SRGAP2C: variants seen among roughly 807,000 people sequenced by gnomAD.
The protein encoded by SRGAP2C is SLIT-ROBO Rho GTPase-activating protein 2C.
Under a neutral mutation model 25.1 loss-of-function variants are expected in SRGAP2C, and 15 were observed. That is an observed-to-expected ratio of 0.60 (90% CI 0.40 to 0.92). SRGAP2C has a LOEUF of 0.92. Ranked by LOEUF, SRGAP2C falls within the 40% of genes least tolerant of loss-of-function variation. SRGAP2C has a pLI of 0.00. For synonymous variants in SRGAP2C, 44 were observed against 96.6 expected (o/e 0.46, Z 3.19); for missense variants, 144 against 264.4 (o/e 0.54, Z 3.16).
At chr1:121,298,349 A>G (rs1281286611) in intron 3 of SRGAP2C, among the ~76,000 whole-genome samples, 1 of 151,444 alleles carries the variant, frequency 6.6e-6, no homozygotes, top group Non-Finnish European at 1.5e-5. Flanking sequence ...GAGTTTCTAT[A>G]AAGATATACT....
At chr1:121,314,688 T>A (rs1420093956) in intron 3 of SRGAP2C, among the ~76,000 whole-genome samples, 14 of 150,622 alleles carry the variant, frequency 9.3e-5, no homozygotes, top group Non-Finnish European at 1.8e-4. Flanking sequence ...CCCTGCTGTG[T>A]GAGGTGTCAG....
intron 4 of SRGAP2C, among the ~76,000 whole-genome samples, chr1:121,352,984 G>A (rs1658963330): frequency 2.0e-5 from 3 of 150,178 alleles, no homozygotes; most frequent in South Asian, 4.3e-4. Context: ...CAGCTACTTG[G>A]GAGGCTGAGG....
rs1324858296 is a variant in SRGAP2C, at chr1:121,270,138, G to T, written c.68-14665G>T. Among the ~76,000 whole-genome samples, 9 of 141,204 alleles carry T rather than the reference G, an allele frequency of 6.4e-5. No homozygotes were observed. The South Asian group carries it at 2.1e-3, about 33-fold the overall frequency. 92.6% of individuals were successfully genotyped at this position (141,204 alleles called of 152,430 possible). On this transcript the variant is annotated intron_variant, in intron 2 of 9. Coordinates refer to ENST00000367123, the MANE Select transcript of SRGAP2C (RefSeq NM_001329984.2). The stretch of plus-strand genomic sequence containing the variant: ...TTCTGTTTCTCAAGACGAGTTCGTG[G>T]GTGCTACATAGGCTGAGATCTTTCA...
intron 2 of SRGAP2C, among the ~76,000 whole-genome samples, chr1:121,210,402 A>G (rs1553323412): frequency 6.7e-6 from 1 of 148,828 alleles, no homozygotes; most frequent in Non-Finnish European, 1.5e-5. Context: ...GTGTGTTAGA[A>G]AAATATACCA....
chr1:121,277,162 A>G (rs1657125259), intron 2 of SRGAP2C, among the ~76,000 whole-genome samples: 1 of 126,124 alleles, frequency 7.9e-6, no homozygotes, highest in East Asian at 2.6e-4. Flanking sequence ...ATGTCCTTAT[A>G]GTATACAATA....
rs1269332967 is a variant in SRGAP2C, at chr1:121,258,388, A to AGTCCT, written c.68-26412_68-26408dup. Among the ~76,000 whole-genome samples, 4 of 149,576 alleles carry AGTCCT rather than the reference A, an allele frequency of 2.7e-5. No homozygotes were observed. In the East Asian group the frequency reaches 7.9e-4, roughly 29 times the overall value. On this transcript the variant is annotated intron_variant, in intron 2 of 9. Coordinates refer to ENST00000367123, the MANE Select transcript of SRGAP2C (RefSeq NM_001329984.2). ...CACAGCAGCTGAGTATTTGCTGCCT[A>AGTCCT]GTCCTGTTGAAGTTCCAGGATTGGA...
intron 8 of SRGAP2C, among the ~76,000 whole-genome samples, chr1:121,384,799 C>T (rs1276286826): frequency 6.6e-6 from 1 of 151,984 alleles, no homozygotes; most frequent in East Asian, 1.9e-4. Context: ...TACCTTGCAC[C>T]CTGGTAGCGG....
intron 3 of SRGAP2C, among the ~76,000 whole-genome samples, chr1:121,285,960 A>G (rs1244557802): frequency 2.0e-5 from 3 of 152,244 alleles, no homozygotes; most frequent in Non-Finnish European, 4.4e-5. Context: ...TGGGCCACCC[A>G]TAAAATATGC....
intron 3 of SRGAP2C, among the ~76,000 whole-genome samples, chr1:121,310,411 A>T (rs1453074056): frequency 7.2e-6 from 1 of 139,254 alleles, no homozygotes; most frequent in Admixed American, 7.4e-5. Flanking sequence ...TTTGCTGTGC[A>T]GAAGCTCTTT....
chr1:121,354,265 T>C (rs1267251066), intron 4 of SRGAP2C, among the ~76,000 whole-genome samples: 4 of 6,956 alleles, frequency 5.8e-4, no homozygotes, highest in Non-Finnish European at 7.2e-4. Context: ...CTCTCTCCTT[T>C]CTTTCTTTCT....
intron 2 of SRGAP2C, among the ~76,000 whole-genome samples, chr1:121,248,565 G>A: frequency 6.7e-6 from 1 of 149,294 alleles, no homozygotes. Context: ...TCCTGCCTCA[G>A]CCTCCCAAGT....
intron 2 of SRGAP2C, among the ~76,000 whole-genome samples, chr1:121,217,861 A>G (rs1351373441): frequency 1.3e-5 from 2 of 151,914 alleles, no homozygotes; most frequent in African/African-American, 4.8e-5. Flanking sequence ...CTCCTCTTTG[A>G]TAGTTGGTAC....
intron 2 of SRGAP2C, among the ~76,000 whole-genome samples, chr1:121,203,254 T>C (rs1655030633): frequency 6.6e-6 from 1 of 151,992 alleles, no homozygotes; most frequent in South Asian, 2.1e-4. Flanking sequence ...TAGAGAGATA[T>C]CGAAGGCTAT....
intron 4 of SRGAP2C, among the ~76,000 whole-genome samples, chr1:121,343,206 A>G (rs1375490046): frequency 1.3e-5 from 2 of 151,784 alleles, no homozygotes; most frequent in Non-Finnish European, 2.9e-5. Flanking sequence ...ATATATCAGC[A>G]TTGGTCCTTC....
chr1:121,361,784 A>G (rs1371654632), intron 4 of SRGAP2C: 1 of 148,958 alleles, frequency 6.7e-6, no homozygotes, highest in Non-Finnish European at 1.5e-5. Flanking sequence ...TTTTTTTTCC[A>G]GGCAAAGATT....
At chr1:121,384,946 A>G (rs1659926277) in intron 8 of SRGAP2C, among the ~76,000 whole-genome samples, 2 of 152,240 alleles carry the variant, frequency 1.3e-5, no homozygotes, top group South Asian at 4.1e-4. Flanking sequence ...AATATAGCTG[A>G]TCAGTGGCTG....
chr1:121,378,014 T>C (rs1196659775), intron 7 of SRGAP2C, among the ~76,000 whole-genome samples: 3 of 152,070 alleles, frequency 2.0e-5, no homozygotes, highest in Non-Finnish European at 2.9e-5. Context: ...AGTGAGCCAT[T>C]GTACTATGAA....
chr1:121,289,223 C>T (rs1445241385), intron 3 of SRGAP2C, among the ~76,000 whole-genome samples: 4 of 147,442 alleles, frequency 2.7e-5, no homozygotes, highest in South Asian at 2.2e-4. Flanking sequence ...TCAGACATGG[C>T]GGGCTGCAGG....
At chr1:121,213,873 A>C (rs1655327647) in intron 2 of SRGAP2C, among the ~76,000 whole-genome samples, 1 of 130,024 alleles carries the variant, frequency 7.7e-6, no homozygotes, top group Admixed American at 7.4e-5. Context: ...GGGAGATCCC[A>C]AGTATTGTGG....
Sources: allele counts gnomAD v4.1 joint callset (sites outside exome capture counted in the v4.1 genomes callset), GRCh38; gene constraint gnomAD v4.1.1; transcripts MANE v1.5; gene names NCBI Gene and HGNC (gene_info 2026-07-23, HGNC 2026-07-21).